Variants in SDK1 observed in about 807,000 individuals in gnomAD.
SDK1 encodes sidekick cell adhesion molecule 1.
Under a neutral mutation model 245.5 loss-of-function variants are expected in SDK1, and 157 were observed. The ratio of observed to expected loss-of-function variants is 0.64; its 90% CI spans 0.56 to 0.73. SDK1 has a LOEUF of 0.73. Among genes scored for constraint, SDK1 ranks in the 30% least tolerant of loss-of-function variants. The pLI is 0.00. For synonymous variants in SDK1, 1,647 were observed against 1,278.5 expected, an observed-to-expected ratio of 1.29 and a Z score of -6.15; for missense variants, 3,583 against 3,002.3, an observed-to-expected ratio of 1.19 and a Z score of -4.52.
chr7:3,800,212 A>G (rs1333642781), intron 4 of SDK1, among the ~76,000 whole-genome samples: 1 of 152,020 alleles, frequency 6.6e-6, no homozygotes, highest in African/African-American at 2.4e-5. Flanking sequence ...TCCATTTCCT[A>G]ATTTTTAATC....
intron 17 of SDK1, among the ~76,000 whole-genome samples, chr7:4,045,187 G>C (rs1224757245): frequency 6.6e-6 from 1 of 151,998 alleles, no homozygotes; most frequent in East Asian, 1.9e-4. Flanking sequence ...AAAACATTTA[G>C]GATGTTTGCA....
At chr7:4,259,541 T>G (rs965810571) in intron 44 of SDK1, among the ~76,000 whole-genome samples, 2 of 152,190 alleles carry the variant, frequency 1.3e-5, no homozygotes, top group African/African-American at 4.8e-5. Flanking sequence ...TTCTCAAGTT[T>G]GGGAGTACAT....
At chr7:4,207,916 G>T (rs546700938) in intron 36 of SDK1, among the ~76,000 whole-genome samples, 183 bp from the exon 37 acceptor site, 2 of 152,090 alleles carry the variant, frequency 1.3e-5, no homozygotes, top group Non-Finnish European at 2.9e-5. Context: ...AGGGGTCCCC[G>T]TCCATACACA....
intron 5 of SDK1, among the ~76,000 whole-genome samples, chr7:3,841,102 A>G (rs1311611119): frequency 6.6e-6 from 1 of 152,122 alleles, no homozygotes; most frequent in Non-Finnish European, 1.5e-5. Context: ...GTGGGTCTCG[A>G]ATGTGTGACC....
At position 3,968,084 on chromosome 7, in the gene SDK1, A is replaced by G; in HGVS notation, c.1546+650A>G. Among the ~76,000 whole-genome samples, 2 of 152,164 alleles carry G rather than the reference A, an allele frequency of 1.3e-5. 1 individual carries two copies. Among genetic ancestry groups the G allele is most frequent in the East Asian group, 3.8e-4 (2 of 5,198 alleles). On this transcript the variant is annotated intron_variant, in intron 10 of 44. Transcript: ENST00000404826. ...CGTGTCAAGGACTGGATGTGAAGTC[A>G]CTCTGCTAGCACTCACTTTTCCCAC... is the stretch of plus-strand genomic sequence containing the variant.
At chr7:3,623,391 T>G (rs1168018685) in intron 2 of SDK1, among the ~76,000 whole-genome samples, 2 of 151,838 alleles carry the variant, frequency 1.3e-5, no homozygotes, top group Non-Finnish European at 2.9e-5. Context: ...CAGGCATGTG[T>G]CACCACGCCT....
intron 4 of SDK1, among the ~76,000 whole-genome samples, chr7:3,801,551 G>C (rs1779107310): frequency 6.6e-6 from 1 of 152,138 alleles, no homozygotes; most frequent in South Asian, 2.1e-4. Context: ...TTAGCCCTAA[G>C]GGTTGAGCAA....
At chr7:3,410,806 C>T (rs796748254) in intron 1 of SDK1, among the ~76,000 whole-genome samples, 104 of 152,004 alleles carry the variant, frequency 6.8e-4, no homozygotes, top group African/African-American at 2.1e-3. Context: ...ATGCTGGTCT[C>T]GAACTCCTGA....
At chr7:3,707,066 A>T (rs970457782) in intron 4 of SDK1, among the ~76,000 whole-genome samples, 4 of 151,440 alleles carry the variant, frequency 2.6e-5, no homozygotes, top group African/African-American at 9.7e-5. Flanking sequence ...TTTGCTCTGG[A>T]TCTTTGTTAT....
chr7:3,543,248 G>A (rs1251327533), intron 1 of SDK1, among the ~76,000 whole-genome samples: 1 of 152,236 alleles, frequency 6.6e-6, no homozygotes, highest in Non-Finnish European at 1.5e-5. Context: ...TGGCATTAGT[G>A]ATAGGATTTG....
At chr7:3,344,702 G>C (rs1780447711) in intron 1 of SDK1, among the ~76,000 whole-genome samples, 1 of 152,204 alleles carries the variant, frequency 6.6e-6, no homozygotes, top group Admixed American at 6.5e-5. Flanking sequence ...CATGCTGATA[G>C]CACGTTTCAA....
chr7:4,142,395 C>G (rs1004835243), intron 28 of SDK1, among the ~76,000 whole-genome samples: 2 of 152,132 alleles, frequency 1.3e-5, no homozygotes, highest in Non-Finnish European at 2.9e-5. Flanking sequence ...GTGACGTGAT[C>G]TCGGCTCACC....
At chr7:3,596,166 T>G (rs1339884745) in intron 1 of SDK1, among the ~76,000 whole-genome samples, 1 of 152,160 alleles carries the variant, frequency 6.6e-6, no homozygotes, top group Non-Finnish European at 1.5e-5. Flanking sequence ...TTCCGCATTT[T>G]GGAGCGTTTC....
intron 35 of SDK1, among the ~76,000 whole-genome samples, chr7:4,199,485 T>C (rs923268859): frequency 2.0e-5 from 3 of 152,220 alleles, no homozygotes; most frequent in African/African-American, 7.2e-5. Context: ...TCTAGCAGTA[T>C]TGAAGTTTCA....
intron 12 of SDK1, among the ~76,000 whole-genome samples, chr7:3,972,538 A>G (rs1023476629): frequency 6.6e-6 from 1 of 152,182 alleles, no homozygotes; most frequent in Non-Finnish European, 1.5e-5. Context: ...GGATAATTTT[A>G]AATTTTTGGA....
intron 2 of SDK1, among the ~76,000 whole-genome samples, chr7:3,626,824 C>G (rs1425554795): frequency 6.6e-6 from 1 of 152,134 alleles, no homozygotes; most frequent in African/African-American, 2.4e-5. Flanking sequence ...AAATCTCCCC[C>G]ACTGAGAACT....
intron 1 of SDK1, among the ~76,000 whole-genome samples, chr7:3,547,076 T>G (rs1165244239): frequency 2.0e-5 from 3 of 152,176 alleles, no homozygotes; most frequent in Non-Finnish European, 2.9e-5. Flanking sequence ...CATTTTTCTT[T>G]TAAGGTGTGT....
intron 4 of SDK1, among the ~76,000 whole-genome samples, chr7:3,746,142 G>C (rs1190284373): frequency 6.6e-6 from 1 of 152,166 alleles, no homozygotes; most frequent in Non-Finnish European, 1.5e-5. Context: ...CAATAAGTGA[G>C]TCACATGAAT....
rs1253422736 is a variant in SDK1, at chr7:3,652,463, C to CT, written c.713+10359dup. 2.6e-5 allele frequency among the ~76,000 whole-genome samples: 4 copies of CT among 152,208 alleles called. No individual in the cohort carries two copies. In the South Asian group the frequency reaches 6.2e-4, roughly 24 times the overall value. On this transcript the variant is annotated intron_variant, in intron 4 of 44. Coordinates refer to ENST00000404826, the MANE Select transcript of SDK1 (RefSeq NM_152744.4). ...CCCTCATGGCCTCACAGCTTCCACT[C>CT]TAACAGGACGGAGCCAGAATATGCG... is the stretch of plus-strand genomic sequence containing the variant.
Sources: allele counts gnomAD v4.1 joint callset (sites outside exome capture counted in the v4.1 genomes callset), GRCh38; gene constraint gnomAD v4.1.1; transcripts MANE v1.5; gene names NCBI Gene and HGNC (gene_info 2026-07-23, HGNC 2026-07-21).